Variants in WNT7B observed in about 807,000 individuals in gnomAD.
WNT7B encodes Wnt family member 7B, also known as protein Wnt-7b.
A neutral mutation model predicts 38.2 loss-of-function variants in WNT7B; 19 were observed. That is an observed-to-expected ratio of 0.50 (90% CI 0.35 to 0.73). WNT7B has a LOEUF of 0.73. Among genes scored for constraint, WNT7B ranks in the 30% least tolerant of loss-of-function variants. The pLI, the probability that WNT7B is intolerant of heterozygous loss-of-function variation, is 0.01. For synonymous variants in WNT7B, 243 were observed against 209.3 expected (o/e 1.16, Z -1.39); for missense variants, 423 against 507.9 (o/e 0.83, Z 1.61).
intron 2 of WNT7B, among the ~76,000 whole-genome samples, chr22:45,938,358 T>C (rs1305102120): frequency 9.9e-5 from 15 of 152,108 alleles, no homozygotes; most frequent in African/African-American, 2.9e-4. Flanking sequence ...CAAAGATGGC[T>C]GGGTGCTGTG....
At chr22:45,952,843 T>A (rs533411850) in intron 1 of WNT7B, among the ~76,000 whole-genome samples, 21 of 152,182 alleles carry the variant, frequency 1.4e-4, no homozygotes, top group Non-Finnish European at 2.4e-4. Context: ...AGCCCATCCA[T>A]AGCTCTCCAT....
chr22:45,961,386 G>A (rs186390430), intron 1 of WNT7B, among the ~76,000 whole-genome samples: 4 of 152,168 alleles, frequency 2.6e-5, no homozygotes, highest in Non-Finnish European at 5.9e-5. Flanking sequence ...TTACACCTGT[G>A]GGGGAGGGAC....
intron 1 of WNT7B, among the ~76,000 whole-genome samples, chr22:45,967,848 C>T (rs1932346666): frequency 6.6e-6 from 1 of 152,150 alleles, no homozygotes. Context: ...ATGATCATCA[C>T]CTCGCCCCCC....
intron 2 of WNT7B, among the ~76,000 whole-genome samples, chr22:45,948,317 G>A: frequency 6.6e-6 from 1 of 152,172 alleles, no homozygotes; most frequent in East Asian, 1.9e-4. Flanking sequence ...CACCTGGAGG[G>A]AGGGAACTGC....
intron 1 of WNT7B, among the ~76,000 whole-genome samples, chr22:45,962,799 G>A (rs558437217): frequency 8.5e-5 from 13 of 152,346 alleles, no homozygotes; most frequent in Admixed American, 2.0e-4. Flanking sequence ...TCTGTTGGAC[G>A]CAGGGGCGCC....
chr22:45,935,952 G>T (rs1931504687), intron 2 of WNT7B: 13 of 985,180 alleles, frequency 1.3e-5, no homozygotes, highest in African/African-American at 1.7e-5. Context: ...GTCTCGGGGG[G>T]CCTAGGGGCC....
At chr22:45,937,431 C>T (rs1931540079) in intron 2 of WNT7B, among the ~76,000 whole-genome samples, 1 of 152,236 alleles carries the variant, frequency 6.6e-6, no homozygotes, top group African/African-American at 2.4e-5. Context: ...GAGAGAATTG[C>T]TCCAATCTGG....
intron 2 of WNT7B, among the ~76,000 whole-genome samples, chr22:45,936,352 C>T (rs182033139): frequency 8.6e-4 from 131 of 152,326 alleles, no homozygotes; most frequent in Admixed American, 2.7e-3. Flanking sequence ...GGGCCGGCTA[C>T]GGGTGGACCA....
chr22:45,944,473 A>G (rs1157543624), intron 2 of WNT7B, among the ~76,000 whole-genome samples: 1 of 152,184 alleles, frequency 6.6e-6, no homozygotes, highest in East Asian at 1.9e-4. Context: ...CTTCGCCGCT[A>G]GGAAAGTCTT....
At chr22:45,960,308 T>C (rs1932167089) in intron 1 of WNT7B, among the ~76,000 whole-genome samples, 1 of 152,052 alleles carries the variant, frequency 6.6e-6, no homozygotes, top group African/African-American at 2.4e-5. Context: ...GGGGAGGCAC[T>C]CCCACCCACC....
rs957223138 is a variant in WNT7B, at chr22:45,922,194, T to A, written c.*662A>T. On this transcript the variant is annotated 3_prime_UTR_variant, in exon 4 of 4. Transcript: ENST00000339464. Reference sequence around the variant, plus strand: ...ACTTCTAGGACCTGCAGGCACCGCGTGGTCCCCATCAACCCCAGGCTGCCT... The same window carrying A: ...ACTTCTAGGACCTGCAGGCACCGCGAGGTCCCCATCAACCCCAGGCTGCCT... The A allele has an allele frequency of 6.5e-6, 1 of 152,758 alleles. No homozygotes were observed. Among genetic ancestry groups the A allele is most frequent in the Non-Finnish European group, 1.5e-5 (1 of 68,520 alleles). 9.5% of individuals were successfully genotyped at this position (152,758 alleles called of 1,614,324 possible).
intron 1 of WNT7B, among the ~76,000 whole-genome samples, chr22:45,961,465 G>C (rs1391872911): frequency 2.0e-5 from 3 of 151,384 alleles, no homozygotes; most frequent in Non-Finnish European, 4.4e-5. Flanking sequence ...TTCCCACCCT[G>C]TCCCACCCTC....
At chr22:45,931,987 C>G (rs563749364) in intron 2 of WNT7B, among the ~76,000 whole-genome samples, 1 of 152,252 alleles carries the variant, frequency 6.6e-6, no homozygotes, top group East Asian at 1.9e-4. Flanking sequence ...GCCTTCAGTC[C>G]GTCTCCAGAT....
Position 45,923,317 on chromosome 22 carries a change from G to A in WNT7B, c.589C>T (p.Gln197Ter). ...AGRKVLEDRM[Q>*]LECKCHGVSG... ...ACGCCGTGGCACTTGCACTCCAGCT[G>A]CATCCGGTCCTCTAGAACCTGCGGG... Residue 197 changes from glutamine (Q) to a stop codon, truncating the protein, a stop_gained, in exon 4 of 4, where the codon CAG (glutamine) becomes TAG (stop). Transcript: ENST00000339464. LOFTEE classifies it high-confidence loss of function. 3 of 1,607,798 alleles carry A rather than the reference G, an allele frequency of 1.9e-6. No individual in the cohort carries two copies. The highest frequency in any genetic ancestry group is 2.6e-6 in the Non-Finnish European group (3 of 1,176,082).
intron 3 of WNT7B, chr22:45,927,106 C>T: frequency 2.0e-6 from 2 of 984,764 alleles, no homozygotes; most frequent in Non-Finnish European, 1.2e-6. Flanking sequence ...AATCTCTTGC[C>T]TTCACTGGGT....
At chr22:45,974,463 G>C (rs1413044248) in intron 1 of WNT7B, among the ~76,000 whole-genome samples, 2 of 152,258 alleles carry the variant, frequency 1.3e-5, no homozygotes, top group Non-Finnish European at 2.9e-5. Context: ...GCGGGCAGGG[G>C]CTGAGCCTCG....
intron 1 of WNT7B, among the ~76,000 whole-genome samples, chr22:45,958,145 A>G (rs968059494): frequency 3.3e-5 from 5 of 152,116 alleles, no homozygotes; most frequent in Admixed American, 6.5e-5. Flanking sequence ...CTCCCAAAGG[A>G]GCAGGGCCCG....
intron 1 of WNT7B, among the ~76,000 whole-genome samples, chr22:45,952,014 G>A (rs2146734686): frequency 6.6e-6 from 1 of 152,350 alleles, no homozygotes; most frequent in African/African-American, 2.4e-5. Flanking sequence ...GAGCTGGAAG[G>A]AGGGGGGCGG....
rs949426008 is a variant in WNT7B at position 45,977,098 on chromosome 22, T to C, written c.-344A>G. 43 of 857,468 alleles carry C rather than the reference T, an allele frequency of 5.0e-5. No individual in the cohort carries two copies. The Admixed American group carries it at 2.2e-3, about 43-fold the overall frequency. The allele number at this position is 857,468 out of a possible 1,614,324, so 53.1% of individuals were successfully genotyped here. A position where few individuals can be genotyped will look rare whatever the true frequency, so the allele number is the denominator to read the frequency against. On this transcript the variant is annotated 5_prime_UTR_variant, in exon 1 of 4. Coordinates refer to ENST00000339464, the MANE Select transcript of WNT7B (RefSeq NM_058238.3). ...CACTAGGCGCAGCCGCCTGAGGCCG[T>C]GAGCGCCTCGCCGAGCGCCGCGGCG...
Sources: gnomAD v4.1 joint callset for allele counts (sites outside exome capture counted in the v4.1 genomes callset) on GRCh38, gnomAD v4.1.1 for gene constraint, MANE v1.5 for transcripts, NCBI Gene and HGNC (gene_info 2026-07-23, HGNC 2026-07-21) for gene names.